The following CALD1 variants were observed in gnomAD, a reference collection of about 807,000 sequenced individuals.
CALD1 encodes caldesmon.
Under a neutral mutation model 99.9 loss-of-function variants are expected in CALD1, and 33 were observed. The ratio of observed to expected loss-of-function variants is 0.33; its 90% CI spans 0.25 to 0.44. The LOEUF is 0.44. CALD1 is among the 20% of genes least tolerant of loss of function. CALD1 has a pLI of 1.00. For missense variants in CALD1, 861 were observed against 962.1 expected, an observed-to-expected ratio of 0.89 and a Z score of 1.39; for synonymous variants, 310 against 325.0, an observed-to-expected ratio of 0.95 and a Z score of 0.50.
intron 3 of CALD1, among the ~76,000 whole-genome samples, chr7:134,878,309 G>A (rs538078870): frequency 7.2e-5 from 11 of 152,182 alleles, no homozygotes; most frequent in Non-Finnish European, 7.4e-5. Flanking sequence ...TGGCTCCTGC[G>A]TGTAATGTCA....
intron 1 of CALD1, among the ~76,000 whole-genome samples, chr7:134,756,387 G>T (rs1465514390): frequency 6.7e-6 from 1 of 148,332 alleles, no homozygotes; most frequent in Non-Finnish European, 1.5e-5. Flanking sequence ...GGTCCATTTT[G>T]AGGCTCTGAA....
At position 134,784,652 on chromosome 7, in the gene CALD1, T is replaced by C. The variant is rs567730141; in HGVS notation, c.-130+4903T>C. ...AATAGACCTCTATGTGAGCAAACTT[T>C]GGTAGCTCAAGTAAAGGGCCAGGAT... is the stretch of plus-strand genomic sequence containing the variant. On this transcript the variant is annotated intron_variant, in intron 1 of 14. Coordinates refer to ENST00000361675, the MANE Select transcript of CALD1 (RefSeq NM_033138.4). Among the ~76,000 whole-genome samples, 6 of 152,098 alleles carry C rather than the reference T, an allele frequency of 3.9e-5. 1 individual carries two copies. The highest frequency in any genetic ancestry group is 8.8e-5 in the Non-Finnish European group (6 of 68,014).
intron 3 of CALD1, chr7:134,927,954 A>G (rs1043808621): frequency 2.0e-5 from 3 of 149,786 alleles, no homozygotes; most frequent in Non-Finnish European, 2.9e-5. Flanking sequence ...TATAATATTT[A>G]TTATAATTAT....
intron 3 of CALD1, among the ~76,000 whole-genome samples, chr7:134,905,828 G>T (rs779678837): frequency 1.3e-5 from 2 of 151,126 alleles, no homozygotes; most frequent in South Asian, 4.2e-4. Flanking sequence ...CGTATAACTA[G>T]CCAATCCTCT....
chr7:134,945,796 T>G (rs1806814667), intron 7 of CALD1, among the ~76,000 whole-genome samples: 1 of 152,246 alleles, frequency 6.6e-6, no homozygotes, highest in African/African-American at 2.4e-5. Flanking sequence ...AGCCATAGGT[T>G]AATGCAGTCA....
In CALD1 at chr7:134,968,410, CT is replaced by C. The variant is rs1329351731; in HGVS notation, c.*66del. ...AGCTCAGTTGTAGAGGGCTAATTCG[CT>C]CTGTTTTGTATTTATGTTGATTTAC... On this transcript the variant is annotated 3_prime_UTR_variant, in exon 15 of 15. Transcript: ENST00000361675. 6.2e-6 allele frequency: 9 copies of C among 1,454,468 alleles called. No individual in the cohort carries two copies. Among genetic ancestry groups the C allele is most frequent in the Non-Finnish European group, 7.7e-6 (8 of 1,034,840 alleles). The allele number at this position is 1,454,468 out of a possible 1,614,324, so 90.1% of individuals were successfully genotyped here.
chr7:134,808,092 C>A (rs1798215152), intron 1 of CALD1, among the ~76,000 whole-genome samples: 1 of 133,404 alleles, frequency 7.5e-6, no homozygotes, highest in Non-Finnish European at 1.6e-5. Context: ...TTGGTAAAGT[C>A]CCCATTCCAT....
intron 3 of CALD1, among the ~76,000 whole-genome samples, chr7:134,882,801 A>G (rs1201680090): frequency 2.6e-5 from 4 of 152,248 alleles, no homozygotes; most frequent in Non-Finnish European, 5.9e-5. Flanking sequence ...TTTAGATTTC[A>G]AATGGTAAAT....
chr7:134,724,792 A>C, the CALD1 span, among the ~76,000 whole-genome samples: 1 of 151,968 alleles, frequency 6.6e-6, no homozygotes, highest in African/African-American at 2.4e-5. Flanking sequence ...TTCAGCCAGC[A>C]CTCCTCCAGG....
At chr7:134,925,739 G>A (rs1804962898) in intron 3 of CALD1, among the ~76,000 whole-genome samples, 1 of 152,160 alleles carries the variant, frequency 6.6e-6, no homozygotes, top group South Asian at 2.1e-4. Context: ...TGACACGGGG[G>A]ATTACAATGC....
chr7:134,768,537 C>A (rs1024690813), intron 1 of CALD1, among the ~76,000 whole-genome samples: 3 of 152,140 alleles, frequency 2.0e-5, no homozygotes, highest in African/African-American at 7.2e-5. Flanking sequence ...GTTGGGCTGG[C>A]CCCAAGTGAG....
rs905199208 is a variant in CALD1 at position 134,791,788 on chromosome 7, A to G, written c.-130+12039A>G. 2.0e-5 allele frequency among the ~76,000 whole-genome samples: 3 copies of G among 152,250 alleles called. No individual in the cohort carries two copies. The East Asian group carries it at 5.8e-4, about 29-fold the overall frequency. On this transcript the variant is annotated intron_variant, in intron 1 of 14. Coordinates refer to ENST00000361675, the MANE Select transcript of CALD1 (RefSeq NM_033138.4). ...GCATACCCGAGACTGGGTAATTTATAAAGAAAGAGGTTTAATGGACTCACA... is the reference window on the plus strand; with the variant it reads ...GCATACCCGAGACTGGGTAATTTATGAAGAAAGAGGTTTAATGGACTCACA...
chr7:134,757,419 G>C (rs992457423), intron 1 of CALD1, among the ~76,000 whole-genome samples: 1 of 151,996 alleles, frequency 6.6e-6, no homozygotes, highest in Non-Finnish European at 1.5e-5. Context: ...CTGTATGTTC[G>C]CTTGTTGATG....
intron 1 of CALD1, among the ~76,000 whole-genome samples, chr7:134,799,636 T>C (rs1025648273): frequency 6.6e-6 from 1 of 152,180 alleles, no homozygotes; most frequent in Non-Finnish European, 1.5e-5. Context: ...ATGTAATCAA[T>C]ATAAATTACC....
At chr7:134,905,719 T>C (rs1405699534) in intron 3 of CALD1, among the ~76,000 whole-genome samples, 1 of 152,012 alleles carries the variant, frequency 6.6e-6, no homozygotes, top group Non-Finnish European at 1.5e-5. Flanking sequence ...CTATAACTCT[T>C]TCCCTTAAAT....
intron 3 of CALD1, among the ~76,000 whole-genome samples, chr7:134,872,347 G>C (rs1801129274): frequency 8.2e-6 from 1 of 121,224 alleles, no homozygotes; most frequent in African/African-American, 3.2e-5. Flanking sequence ...GACGGAGTGA[G>C]ACTCGGTCTC....
rs142951752 is a variant in CALD1 at position 134,940,657 on chromosome 7, A to G, written c.1387-435A>G. 2.7e-3 allele frequency among the ~76,000 whole-genome samples: 413 copies of G among 152,200 alleles called. 5 individuals carry two copies. The highest frequency in any genetic ancestry group is 9.5e-3 in the African/African-American group (395 of 41,528). On this transcript the variant is annotated intron_variant, in intron 6 of 14. Coordinates refer to ENST00000361675, the MANE Select transcript of CALD1 (RefSeq NM_033138.4). The stretch of plus-strand genomic sequence containing the variant: ...ATAGGTTTCCTTTTCTTTCTTTCCC[A>G]TTTGTGTCTCTCTCACAGATTCTCT...
intron 1 of CALD1, among the ~76,000 whole-genome samples, chr7:134,807,690 C>T (rs141513336): frequency 2.6e-5 from 4 of 152,242 alleles, no homozygotes; most frequent in Non-Finnish European, 2.9e-5. Flanking sequence ...TGGAGTGGAG[C>T]GATCTCAGCT....
chr7:134,713,698 C>T, the CALD1 span, among the ~76,000 whole-genome samples: 5 of 152,066 alleles, frequency 3.3e-5, no homozygotes, highest in South Asian at 2.1e-4. Context: ...TTTAGTTCAG[C>T]TTAATATTAA....
Sources: allele counts gnomAD v4.1 joint callset (sites outside exome capture counted in the v4.1 genomes callset), GRCh38; gene constraint gnomAD v4.1.1; transcripts MANE v1.5; gene names NCBI Gene and HGNC (gene_info 2026-07-23, HGNC 2026-07-21).